SPATA6: variants seen among roughly 807,000 people sequenced by gnomAD.
SPATA6 encodes the protein spermatogenesis associated 6, also known as spermatogenesis-associated protein 6.
Under a neutral mutation model 65.3 loss-of-function variants are expected in SPATA6, and 56 were observed. The observed-to-expected ratio is 0.86, with a 90% CI of 0.69 to 1.07. The LOEUF is 1.07. Among genes scored for constraint, SPATA6 ranks in the 50% least tolerant of loss-of-function variants. SPATA6 has a pLI of 0.00. For missense variants in SPATA6, 590 were observed against 594.8 expected, an observed-to-expected ratio of 0.99 and a Z score of 0.08; for synonymous variants, 199 against 213.2, an observed-to-expected ratio of 0.93 and a Z score of 0.58.
chr1:48,284,810 C>G, the SPATA6 span, among the ~76,000 whole-genome samples: 8 of 152,184 alleles, frequency 5.3e-5, no homozygotes, highest in Admixed American at 5.2e-4. Context: ...GAAGCTTTGT[C>G]TCAGAGGGGC....
chr1:48,366,177 G>C (rs1452514103), intron 9 of SPATA6, among the ~76,000 whole-genome samples: 1 of 152,142 alleles, frequency 6.6e-6, no homozygotes, highest in East Asian at 1.9e-4. Flanking sequence ...TTTTTGATGT[G>C]CTGCTGGATT....
chr1:48,423,846 TTTAA>T (rs1653589562), intron 3 of SPATA6, among the ~76,000 whole-genome samples: 1 of 152,114 alleles, frequency 6.6e-6, no homozygotes, highest in Admixed American at 6.6e-5. Flanking sequence ...TGCATCCTGC[TTTAA>T]TTATTTTTTA....
chr1:48,316,599 T>C (rs1341352106), intron 11 of SPATA6, among the ~76,000 whole-genome samples: 1 of 152,110 alleles, frequency 6.6e-6, no homozygotes, highest in Non-Finnish European at 1.5e-5. Context: ...ACCTAGGCAA[T>C]ACCATTCAGG....
intron 6 of SPATA6, chr1:48,400,755 TA>T: frequency 7.8e-7 from 1 of 1,287,432 alleles, no homozygotes; most frequent in Non-Finnish European, 1.0e-6. Flanking sequence ...GGCAATGGTC[TA>T]TGCATTTCAT....
At chr1:48,281,164 A>C in the SPATA6 span, among the ~76,000 whole-genome samples, 1 of 152,124 alleles carries the variant, frequency 6.6e-6, no homozygotes, top group Non-Finnish European at 1.5e-5. Flanking sequence ...CAATAAATTA[A>C]GTATTGATGG....
intron 8 of SPATA6, among the ~76,000 whole-genome samples, chr1:48,389,816 CT>C: frequency 6.6e-6 from 1 of 152,222 alleles, no homozygotes; most frequent in South Asian, 2.1e-4. Context: ...AAAGAATGAC[CT>C]TTACCATCTT....
chr1:48,338,106 C>A (rs1044518621), intron 11 of SPATA6, among the ~76,000 whole-genome samples: 1 of 151,786 alleles, frequency 6.6e-6, no homozygotes, highest in African/African-American at 2.4e-5. Flanking sequence ...ATTATTAGTA[C>A]AAAAATAGAT....
chr1:48,427,978 T>C (rs987672743), intron 3 of SPATA6, among the ~76,000 whole-genome samples: 4 of 152,194 alleles, frequency 2.6e-5, no homozygotes, highest in Non-Finnish European at 5.9e-5. Context: ...GAGAACACAC[T>C]GTATTTGGTT....
intron 1 of SPATA6, among the ~76,000 whole-genome samples, chr1:48,465,472 C>T (rs977943360): frequency 6.6e-6 from 1 of 152,124 alleles, no homozygotes; most frequent in Admixed American, 6.6e-5. Context: ...CTCCCTAGAG[C>T]ACTGGGTCAC....
At chr1:48,329,463 AAAG>A (rs1645852616) in intron 11 of SPATA6, among the ~76,000 whole-genome samples, 1 of 152,242 alleles carries the variant, frequency 6.6e-6, no homozygotes, top group Non-Finnish European at 1.5e-5. Flanking sequence ...TGTTATTCAA[AAAG>A]AATAATAAAA....
At chr1:48,386,774 A>G (rs1190711828) in intron 8 of SPATA6, among the ~76,000 whole-genome samples, 1 of 152,190 alleles carries the variant, frequency 6.6e-6, no homozygotes, top group Admixed American at 6.5e-5. Context: ...TGCACTGCCC[A>G]AGAGAGAACA....
Position 48,325,477 on chromosome 1 carries a change from G to A in SPATA6, c.1195-19599C>T, listed in dbSNP as rs1645729560. The A allele has an allele frequency of 6.7e-6, 8 of 1,189,842 alleles. No individual in the cohort carries two copies. In the South Asian group the frequency reaches 7.3e-5, roughly 11 times the overall value. The allele number at this position is 1,189,842 out of a possible 1,614,324, so 73.7% of individuals were successfully genotyped here. A position where few individuals can be genotyped will look rare whatever the true frequency, so the allele number is the denominator to read the frequency against. ...ATGTTCCTGAATCGACAAACTGAGGGATCCACATTCTCTGAGTTGATGATC... is the reference window on the plus strand; with the variant it reads ...ATGTTCCTGAATCGACAAACTGAGGAATCCACATTCTCTGAGTTGATGATC... On this transcript the variant is annotated intron_variant, in intron 11 of 12. Coordinates refer to ENST00000371847, the MANE Select transcript of SPATA6 (RefSeq NM_019073.4).
At chr1:48,303,302 T>A (rs1644984375) in intron 12 of SPATA6, among the ~76,000 whole-genome samples, 1 of 152,180 alleles carries the variant, frequency 6.6e-6, no homozygotes, top group African/African-American at 2.4e-5. Context: ...TTCTAGCTAT[T>A]GTGAAATATA....
At chr1:48,382,406 C>T (rs1307712188) in intron 9 of SPATA6, among the ~76,000 whole-genome samples, 5 of 138,844 alleles carry the variant, frequency 3.6e-5, no homozygotes, top group Admixed American at 3.4e-4. Context: ...CCAGTAGGGG[C>T]GGCCGGGCAG....
chr1:48,369,486 G>T (rs2148853169), intron 9 of SPATA6, among the ~76,000 whole-genome samples: 1 of 152,334 alleles, frequency 6.6e-6, no homozygotes. Context: ...AATGGTAGGT[G>T]CCCCTCCCCC....
rs193024115 is a variant in SPATA6 at position 48,379,134 on chromosome 1, C to T, written c.909+6175G>A. Among the ~76,000 whole-genome samples the T allele has an allele frequency of 1.8e-3, 276 of 152,206 alleles. 1 individual carries two copies. The highest frequency in any genetic ancestry group is 6.0e-3 in the African/African-American group (251 of 41,514). Reference sequence around the variant, plus strand: ...CACAGTTCTGCATGGTTGGGGAGGTCTCAGGAAACTTACAATCATGGCAGA... The same window carrying T: ...CACAGTTCTGCATGGTTGGGGAGGTTTCAGGAAACTTACAATCATGGCAGA... On this transcript the variant is annotated intron_variant, in intron 9 of 12. Coordinates refer to ENST00000371847, the MANE Select transcript of SPATA6 (RefSeq NM_019073.4).
intron 11 of SPATA6, among the ~76,000 whole-genome samples, chr1:48,355,096 C>T (rs1646621295): frequency 6.6e-6 from 1 of 152,018 alleles, no homozygotes; most frequent in Admixed American, 6.6e-5. Flanking sequence ...AGGGATCAAA[C>T]ACATAAAAAA....
chr1:48,443,171 T>C (rs1395722769), intron 3 of SPATA6, among the ~76,000 whole-genome samples: 1 of 152,248 alleles, frequency 6.6e-6, no homozygotes, highest in African/African-American at 2.4e-5. Flanking sequence ...GAGGGAGCCA[T>C]CCATACCACT....
chr1:48,355,088 G>A (rs1447689419), intron 11 of SPATA6, among the ~76,000 whole-genome samples: 1 of 151,840 alleles, frequency 6.6e-6, no homozygotes, highest in Non-Finnish European at 1.5e-5. Flanking sequence ...ATGAAACAAG[G>A]GATCAAACAC....
Sources: allele counts gnomAD v4.1 joint callset (sites outside exome capture counted in the v4.1 genomes callset), GRCh38; gene constraint gnomAD v4.1.1; transcripts MANE v1.5; gene names NCBI Gene and HGNC (gene_info 2026-07-23, HGNC 2026-07-21).